The following RGPD2 variants were observed in gnomAD, a reference collection of about 807,000 sequenced individuals.
RGPD2 encodes RANBP2 like and GRIP domain containing 2.
Under a neutral mutation model 36.0 loss-of-function variants are expected in RGPD2, and 2 were observed. The ratio of observed to expected loss-of-function variants is 0.06; its 90% CI spans 0.02 to 0.17. The LOEUF (loss-of-function observed/expected upper bound fraction) is 0.17, where lower values mean the gene tolerates loss of function less well. Among genes scored for constraint, RGPD2 ranks in the 10% least tolerant of loss-of-function variants. The pLI is 1.00. For missense variants in RGPD2, 40 were observed against 464.3 expected, an observed-to-expected ratio of 0.09 and a Z score of 8.40; for synonymous variants, 19 against 163.8, an observed-to-expected ratio of 0.12 and a Z score of 6.75.
intron 20 of RGPD2, among the ~76,000 whole-genome samples, chr2:87,781,659 A>T (rs1302528141): frequency 2.7e-5 from 4 of 150,878 alleles, no homozygotes; most frequent in Non-Finnish European, 5.9e-5. Flanking sequence ...ACAGGGTTTC[A>T]CCACATTGGC....
the RGPD2 span, among the ~76,000 whole-genome samples, chr2:87,969,639 CAG>C: frequency 8.2e-6 from 1 of 121,602 alleles, no homozygotes; most frequent in African/African-American, 3.1e-5. Flanking sequence ...GCCTGGGTGA[CAG>C]AGTTAGATGC....
At chr2:87,834,863 C>A in the RGPD2 span, among the ~76,000 whole-genome samples, 1 of 150,798 alleles carries the variant, frequency 6.6e-6, no homozygotes, top group Non-Finnish European at 1.5e-5. Flanking sequence ...ACCTATAATG[C>A]AGAAAAACAA....
chr2:87,984,246 G>A, the RGPD2 span, among the ~76,000 whole-genome samples: 2 of 152,176 alleles, frequency 1.3e-5, no homozygotes, highest in Admixed American at 1.3e-4. Flanking sequence ...TTTAAATGAT[G>A]CTAGTAAGAA....
the RGPD2 span, among the ~76,000 whole-genome samples, chr2:87,841,256 A>C: frequency 6.6e-6 from 1 of 151,624 alleles, no homozygotes. Context: ...GCCTTGTGAC[A>C]TCCCTCCTCC....
At chr2:87,978,822 G>A in the RGPD2 span, among the ~76,000 whole-genome samples, 306 of 142,122 alleles carry the variant, frequency 2.2e-3, 2 homozygotes, top group African/African-American at 7.4e-3. Context: ...GGAGGCTGAG[G>A]TAGGAGGATG....
the RGPD2 span, among the ~76,000 whole-genome samples, chr2:87,846,624 A>G: frequency 1.3e-5 from 2 of 152,192 alleles, no homozygotes; most frequent in African/African-American, 2.4e-5. Context: ...CTATGAGCAT[A>G]CGTGCAAAAA....
the RGPD2 span, among the ~76,000 whole-genome samples, chr2:87,964,101 G>A: frequency 1.6e-4 from 24 of 152,172 alleles, no homozygotes; most frequent in African/African-American, 5.3e-4. Context: ...CAAAGTGCTC[G>A]GATACAGGTG....
chr2:87,831,840 AATG>A, the RGPD2 span, among the ~76,000 whole-genome samples: 1 of 151,674 alleles, frequency 6.6e-6, no homozygotes, highest in African/African-American at 2.4e-5. Flanking sequence ...AGCTGAAATC[AATG>A]ATGATACCAC....
chr2:87,966,149 T>C, the RGPD2 span, among the ~76,000 whole-genome samples: 1 of 152,100 alleles, frequency 6.6e-6, no homozygotes, highest in African/African-American at 2.4e-5. Flanking sequence ...CTAAAGTGAC[T>C]TCCAGTGTCT....
the RGPD2 span, among the ~76,000 whole-genome samples, chr2:87,912,194 T>C: frequency 1.4e-5 from 2 of 146,802 alleles, no homozygotes; most frequent in Non-Finnish European, 3.0e-5. Context: ...CAATACTACC[T>C]CTTTTATGAA....
At chr2:87,858,118 G>C in the RGPD2 span, among the ~76,000 whole-genome samples, 2 of 152,138 alleles carry the variant, frequency 1.3e-5, no homozygotes, top group Middle Eastern at 3.4e-3. Context: ...CTATGATTGA[G>C]TCATACGTAC....
chr2:87,897,482 T>C, the RGPD2 span, among the ~76,000 whole-genome samples: 1 of 151,982 alleles, frequency 6.6e-6, no homozygotes, highest in Non-Finnish European at 1.5e-5. Context: ...ATTTTATTTT[T>C]TTAGGTTCCG....
the RGPD2 span, among the ~76,000 whole-genome samples, chr2:87,837,072 T>C: frequency 2.6e-5 from 4 of 151,948 alleles, no homozygotes; most frequent in Admixed American, 6.6e-5. Flanking sequence ...GCCCCCAGAT[T>C]CATCAAACAA....
chr2:87,882,869 A>T, the RGPD2 span, among the ~76,000 whole-genome samples: 5 of 151,890 alleles, frequency 3.3e-5, no homozygotes, highest in Non-Finnish European at 4.4e-5. Flanking sequence ...TGTTTTTTAA[A>T]TTTTTTTCTG....
chr2:87,929,013 A>G, the RGPD2 span, among the ~76,000 whole-genome samples: 1 of 151,710 alleles, frequency 6.6e-6, no homozygotes, highest in Non-Finnish European at 1.5e-5. Context: ...GGGTTACTCT[A>G]TTGACAGTAT....
At chr2:87,952,356 A>G in the RGPD2 span, among the ~76,000 whole-genome samples, 1 of 152,204 alleles carries the variant, frequency 6.6e-6, no homozygotes, top group Non-Finnish European at 1.5e-5. Flanking sequence ...GTGAAACTTA[A>G]TATTAGAGAT....
the RGPD2 span, among the ~76,000 whole-genome samples, chr2:87,873,726 C>T: frequency 6.6e-5 from 10 of 151,974 alleles, no homozygotes; most frequent in East Asian, 5.8e-4. Flanking sequence ...TTGTCTTACA[C>T]GGTGGCAGGC....
chr2:87,884,266 A>G, the RGPD2 span, among the ~76,000 whole-genome samples: 3 of 151,936 alleles, frequency 2.0e-5, no homozygotes, highest in Admixed American at 1.3e-4. Flanking sequence ...TGAAAACAGA[A>G]CATACCAAGG....
At chr2:87,915,357 T>TTGTATA in the RGPD2 span, among the ~76,000 whole-genome samples, 3 of 116,482 alleles carry the variant, frequency 2.6e-5, no homozygotes, top group South Asian at 2.5e-4. Context: ...ATTATATATA[T>TTGTATA]TATATATATA....
Sources: allele counts gnomAD v4.1 joint callset (sites outside exome capture counted in the v4.1 genomes callset), GRCh38; gene constraint gnomAD v4.1.1; transcripts MANE v1.5; gene names NCBI Gene and HGNC (gene_info 2026-07-23, HGNC 2026-07-21).